PTCD1: variants seen among roughly 807,000 people sequenced by gnomAD.
PTCD1 encodes the protein pentatricopeptide repeat-containing protein 1, mitochondrial.
Under a neutral mutation model 53.4 loss-of-function variants are expected in PTCD1, and 50 were observed. That is an observed-to-expected ratio of 0.94 (90% CI 0.75 to 1.19). The LOEUF (loss-of-function observed/expected upper bound fraction) is 1.19. PTCD1 is among the 50% of genes most tolerant of loss of function. The pLI is 0.00. For missense variants in PTCD1, 918 were observed against 904.8 expected, an observed-to-expected ratio of 1.01 and a Z score of -0.19; for synonymous variants, 413 against 394.8, an observed-to-expected ratio of 1.05 and a Z score of -0.55.
intron 1 of PTCD1, among the ~76,000 whole-genome samples, chr7:99,437,603 G>A (rs1011361967): frequency 2.6e-5 from 4 of 151,868 alleles, no homozygotes; most frequent in Admixed American, 6.6e-5. Flanking sequence ...GCGCCCGGCC[G>A]ACTCTATCAT....
At position 99,417,786 on chromosome 7, in the gene PTCD1, G is replaced by A. The variant is rs1212903997; in HGVS notation, c.*2181C>T. 2 of 1,528,178 alleles carry A rather than the reference G, an allele frequency of 1.3e-6. No individual in the cohort carries two copies. The highest frequency in any genetic ancestry group is 1.4e-5 in the African/African-American group (1 of 72,948). 94.7% of individuals were successfully genotyped at this position (1,528,178 alleles called of 1,614,324 possible). A position where few individuals can be genotyped will look rare whatever the true frequency, so the allele number is the denominator to read the frequency against. On this transcript the variant is annotated 3_prime_UTR_variant, in exon 8 of 8. Transcript: ENST00000292478. ...TGAGGCAGCGTGTGGCTGTGTGTTT[G>A]TTAGGTCTGGGGTCAATCTCAACTC...
intron 2 of PTCD1, 50 bp from the exon 3 acceptor site, chr7:99,433,468 C>T: frequency 6.2e-7 from 1 of 1,613,332 alleles, no homozygotes; most frequent in East Asian, 2.2e-5. Context: ...CCCAGAGACC[C>T]TCAGCAGAGA....
At chr7:99,423,466 T>C (rs1416748840) in intron 7 of PTCD1, among the ~76,000 whole-genome samples, 1 of 152,034 alleles carries the variant, frequency 6.6e-6, no homozygotes, top group Non-Finnish European at 1.5e-5. Context: ...CCAGGAAAAG[T>C]GGGTGCCACC....
rs750800143 is a variant in PTCD1 at position 99,438,666 on chromosome 7, C to T, written c.-27+26G>A. 1.1e-5 allele frequency: 14 copies of T among 1,249,152 alleles called. No homozygotes were observed. The South Asian group carries it at 1.7e-4, about 15-fold the overall frequency. The allele number at this position is 1,249,152 out of a possible 1,614,324, so 77.4% of individuals were successfully genotyped here. ...GTGTCTTGGCCCGGGTCCCGGGGCT[C>T]CTGCGAGGATCACACAGGAACTCAC... On this transcript the variant is annotated intron_variant, in intron 1 of 7. Coordinates refer to ENST00000292478, the MANE Select transcript of PTCD1 (RefSeq NM_015545.4).
chr7:99,422,844 C>T (rs891668977), intron 7 of PTCD1, among the ~76,000 whole-genome samples: 2 of 152,200 alleles, frequency 1.3e-5, no homozygotes, highest in African/African-American at 4.8e-5. Flanking sequence ...AGCTTTTATA[C>T]ATGCTATGTA....
intron 5 of PTCD1, among the ~76,000 whole-genome samples, chr7:99,426,434 C>T (rs1584457723): frequency 6.6e-6 from 1 of 152,214 alleles, no homozygotes; most frequent in Admixed American, 6.5e-5. Flanking sequence ...GCGAGTGATC[C>T]ACCAACCTCG....
At chr7:99,429,918 G>T in intron 3 of PTCD1, 112 bp from the exon 4 acceptor site, 2 of 1,345,536 alleles carry the variant, frequency 1.5e-6, no homozygotes, top group South Asian at 1.2e-5. Flanking sequence ...GCATCCACCA[G>T]GCCAGGCTCT....
Position 99,419,397 on chromosome 7 carries a change from A to G in PTCD1, c.*570T>C. On this transcript the variant is annotated 3_prime_UTR_variant, in exon 8 of 8. Transcript: ENST00000292478. Reference sequence around the variant, plus strand: ...CTGTCCTCCTCCGTTGCAGGGCCGCATCATCGAGTGCACACACTGTGGCTG... The same window carrying G: ...CTGTCCTCCTCCGTTGCAGGGCCGCGTCATCGAGTGCACACACTGTGGCTG... 1 of 1,613,132 alleles carries G rather than the reference A, an allele frequency of 6.2e-7. No homozygotes were observed. The highest frequency in any genetic ancestry group is 8.5e-7 in the Non-Finnish European group (1 of 1,180,000).
In PTCD1 at chr7:99,435,014, C is replaced by T. The variant is rs748915241; in HGVS notation, c.229G>A (p.Ala77Thr). 6.2e-6 allele frequency: 10 copies of T among 1,613,964 alleles called. No homozygotes were observed. Among genetic ancestry groups the T allele is most frequent in the Non-Finnish European group, 8.5e-6 (10 of 1,179,996 alleles). Residue 77 changes from alanine to threonine, a missense_variant, in exon 2 of 8, where the codon GCC (alanine) becomes ACC (threonine). Physicochemically the swap from Ala to Thr is moderately conservative, Grantham distance 58. Coordinates refer to ENST00000292478, the MANE Select transcript of PTCD1 (RefSeq NM_015545.4). ...GSDPSHSNSTATQEEDEEEEE... is the reference protein window; with the variant it reads ...GSDPSHSNSTTTQEEDEEEEE... Reference sequence around the variant, plus strand: ...TCCTCCTCGTCTTCTTCCTGCGTGGCCGTGGAGTTGGAGTGGCTCGGGTCA... The same window carrying T: ...TCCTCCTCGTCTTCTTCCTGCGTGGTCGTGGAGTTGGAGTGGCTCGGGTCA...
intron 7 of PTCD1, 40 bp from the exon 8 acceptor site, chr7:99,420,189 C>T (rs1795736057): frequency 6.2e-7 from 1 of 1,613,150 alleles, no homozygotes; most frequent in East Asian, 2.2e-5. Flanking sequence ...CTCCTGTTAC[C>T]TACAGCTAAT....
Position 99,417,665 on chromosome 7 carries a change from CTTATG to C in PTCD1, c.*2297_*2301del, listed in dbSNP as rs768166951. The C allele has an allele frequency of 6.9e-6, 11 of 1,589,636 alleles. No homozygotes were observed. The highest frequency in any genetic ancestry group is 4.5e-5 in the East Asian group (2 of 44,540). ...TCTGCCTTAGTCGACTGCAAGGGAT[CTTATG>C]TTATTTGGTTGGGCTGGAATGTCGT... is the stretch of plus-strand genomic sequence containing the variant. On this transcript the variant is annotated 3_prime_UTR_variant, in exon 8 of 8. Coordinates refer to ENST00000292478, the MANE Select transcript of PTCD1 (RefSeq NM_015545.4).
In PTCD1 at chr7:99,417,415, C is replaced by CCGA; in HGVS notation, c.*2551_*2552insTCG. 1.2e-6 allele frequency: 2 copies of CCGA among 1,613,260 alleles called. No individual in the cohort carries two copies. Among genetic ancestry groups the CCGA allele is most frequent in the South Asian group, 2.2e-5 (2 of 91,026 alleles). On this transcript the variant is annotated 3_prime_UTR_variant, in exon 8 of 8. Coordinates refer to ENST00000292478, the MANE Select transcript of PTCD1 (RefSeq NM_015545.4). ...AGACCATGGCCTGATGCTCTTTCCC[C>CCGA]ATCTTTTTGACAGAACTCTATGAAT...
At chr7:99,422,027 C>T (rs1361024938) in intron 7 of PTCD1, among the ~76,000 whole-genome samples, 1 of 152,032 alleles carries the variant, frequency 6.6e-6, no homozygotes, top group African/African-American at 2.4e-5. Context: ...GTGAGCCCTA[C>T]GCCAGAGGGA....
chr7:99,423,773 A>C lies in PTCD1; in HGVS notation c.1920+2T>G, dbSNP rs1408676626. ...ATGAGCTTTTGAGCTTGGGGCACAC[A>C]CCCGGTCAAAGGTGGGAGGGTACTG... is the stretch of plus-strand genomic sequence containing the variant. On this transcript the variant is annotated splice_donor_variant, in intron 7 of 7. Transcript: ENST00000292478. LOFTEE classifies it high-confidence loss of function. 6.2e-7 allele frequency: 1 copy of C among 1,613,864 alleles called. No individual in the cohort carries two copies. The highest frequency in any genetic ancestry group is 1.1e-5 in the South Asian group (1 of 91,070).
At chr7:99,421,115 G>C (rs554974850) in intron 7 of PTCD1, among the ~76,000 whole-genome samples, 88 of 152,180 alleles carry the variant, frequency 5.8e-4, no homozygotes, top group Non-Finnish European at 1.0e-3. Flanking sequence ...CTGACAGCAG[G>C]GTTCCGCCCC....
At position 99,417,881 on chromosome 7, in the gene PTCD1, GTGGTGGC is replaced by G; in HGVS notation, c.*2079_*2085del. Reference sequence around the variant, plus strand: ...GGTGGTGGGGAGCCCTAATCCCAAGGTGGTGGCAGGGTGACATCAGGGAAGGACAACC... The same window carrying G: ...GGTGGTGGGGAGCCCTAATCCCAAGGAGGGTGACATCAGGGAAGGACAACC... On this transcript the variant is annotated 3_prime_UTR_variant, in exon 8 of 8. Transcript: ENST00000292478. 1 of 1,360,064 alleles carries G rather than the reference GTGGTGGC, an allele frequency of 7.4e-7. No individual in the cohort carries two copies. Among genetic ancestry groups the G allele is most frequent in the South Asian group, 1.5e-5 (1 of 67,802 alleles). 84.2% of individuals were successfully genotyped at this position (1,360,064 alleles called of 1,614,324 possible).
chr7:99,427,119 CGGGA>C, intron 5 of PTCD1, among the ~76,000 whole-genome samples: 1 of 150,840 alleles, frequency 6.6e-6, no homozygotes, highest in East Asian at 2.0e-4. Flanking sequence ...CCGCCCCGTC[CGGGA>C]GGGAGGTGGG....
In PTCD1 at chr7:99,417,332, TG is replaced by T; in HGVS notation, c.*2634del. 8.0e-7 allele frequency: 1 copy of T among 1,252,392 alleles called. No homozygotes were observed. Among genetic ancestry groups the T allele is most frequent in the Non-Finnish European group, 1.2e-6 (1 of 863,854 alleles). 77.6% of individuals were successfully genotyped at this position (1,252,392 alleles called of 1,614,324 possible). ...CCTCCCAAAGTGCTGGGATTACAGG[TG>T]TGAGCCACTGCACCCGGCCTGAATG... is the stretch of plus-strand genomic sequence containing the variant. On this transcript the variant is annotated 3_prime_UTR_variant, in exon 8 of 8. Coordinates refer to ENST00000292478, the MANE Select transcript of PTCD1 (RefSeq NM_015545.4).
Position 99,419,359 on chromosome 7 carries a change from T to G in PTCD1, c.*608A>C. 6.2e-7 allele frequency: 1 copy of G among 1,611,878 alleles called. No individual in the cohort carries two copies. The highest frequency in any genetic ancestry group is 8.5e-7 in the Non-Finnish European group (1 of 1,179,548). On this transcript the variant is annotated 3_prime_UTR_variant, in exon 8 of 8. Transcript: ENST00000292478. ...GTGTGCAGGGGCGAGCGTGGCGCAG[T>G]GGCATCGTCTCACTGTCCTCCTCCG...
Sources: gnomAD v4.1 joint callset for allele counts (sites outside exome capture counted in the v4.1 genomes callset) on GRCh38, gnomAD v4.1.1 for gene constraint, MANE v1.5 for transcripts, NCBI Gene and HGNC (gene_info 2026-07-23, HGNC 2026-07-21) for gene names.